GLI3: variants seen among roughly 807,000 people sequenced by gnomAD.
GLI3 encodes transcription activator GLI3.
In GLI3, 20 loss-of-function variants were observed where a neutral mutation model predicts 100.8. The ratio of observed to expected loss-of-function variants is 0.20; its 90% CI spans 0.14 to 0.29. The LOEUF (loss-of-function observed/expected upper bound fraction) is 0.29, where lower values mean the gene tolerates loss of function less well. Among genes scored for constraint, GLI3 ranks in the 10% least tolerant of loss-of-function variants. The probability of loss-of-function intolerance (pLI) is 1.00; values close to 1 mark genes in which losing one functional copy is unlikely to be tolerated. For missense variants in GLI3, 2,040 were observed against 2,128.5 expected, an observed-to-expected ratio of 0.96 and a Z score of 0.82; for synonymous variants, 938 against 860.5, an observed-to-expected ratio of 1.09 and a Z score of -1.58.
intron 7 of GLI3, among the ~76,000 whole-genome samples, chr7:42,033,728 T>C (rs959020516): frequency 6.6e-6 from 1 of 152,146 alleles, no homozygotes; most frequent in Non-Finnish European, 1.5e-5. Flanking sequence ...ATTTTTTTTT[T>C]CCAGTTTTGC....
chr7:41,968,128 T>C (rs1384853072), intron 13 of GLI3, among the ~76,000 whole-genome samples: 3 of 152,122 alleles, frequency 2.0e-5, no homozygotes, highest in African/African-American at 7.2e-5. Flanking sequence ...CAGGAGGCAA[T>C]GGAAAGCAGA....
At chr7:42,105,239 T>G (rs1202690330) in intron 3 of GLI3, among the ~76,000 whole-genome samples, 1 of 152,162 alleles carries the variant, frequency 6.6e-6, no homozygotes, top group Non-Finnish European at 1.5e-5. Flanking sequence ...ACACTGAACT[T>G]GGCTTGATGT....
chr7:42,263,673 C>G (rs1002105390), intron 1 of GLI3, among the ~76,000 whole-genome samples: 2 of 152,020 alleles, frequency 1.3e-5, no homozygotes, highest in African/African-American at 4.8e-5. Flanking sequence ...GTCTCTTACT[C>G]CTGACTTAAA....
At chr7:42,236,585 T>C (rs1272029318) in intron 1 of GLI3, among the ~76,000 whole-genome samples, 1 of 152,120 alleles carries the variant, frequency 6.6e-6, no homozygotes, top group East Asian at 2.0e-4. Flanking sequence ...GCCCGAGCCG[T>C]AGAGCGCCAC....
Position 41,965,160 on chromosome 7 carries a change from C to T in GLI3, c.3913G>A (p.Ala1305Thr), listed in dbSNP as rs753070155. Reference sequence around the variant, plus strand: ...TGCATGCCATTCACCATGCTGCCAGCTGACTCATTTGGCGCTACCGGCAGG... The same window carrying T: ...TGCATGCCATTCACCATGCTGCCAGTTGACTCATTTGGCGCTACCGGCAGG... ...FGLPVAPNES[A>T]GSMVNGMQNQ... Residue 1305 changes from alanine to threonine, a missense_variant, in exon 15 of 15, where the codon GCT (alanine) becomes ACT (threonine). Transcript: ENST00000395925. 6.2e-7 allele frequency: 1 copy of T among 1,613,956 alleles called. No individual in the cohort carries two copies.
At chr7:42,095,639 G>A (rs1402885428) in intron 3 of GLI3, among the ~76,000 whole-genome samples, 1 of 152,152 alleles carries the variant, frequency 6.6e-6, no homozygotes, top group Non-Finnish European at 1.5e-5. Context: ...CCAGGTGAGT[G>A]TTAATGATGG....
At chr7:42,038,796 T>C (rs1048430611) in intron 7 of GLI3, among the ~76,000 whole-genome samples, 4 of 152,226 alleles carry the variant, frequency 2.6e-5, no homozygotes, top group Non-Finnish European at 5.9e-5. Context: ...TGGAGAACAT[T>C]AGGGAAAGAC....
At chr7:42,008,822 G>A (rs773409044) in intron 10 of GLI3, among the ~76,000 whole-genome samples, 1 of 152,176 alleles carries the variant, frequency 6.6e-6, no homozygotes, top group Non-Finnish European at 1.5e-5. Context: ...TCTTGTAATA[G>A]TGAACTTATA....
Position 42,023,582 on chromosome 7 carries a change from G to A in GLI3, c.1383C>T (p.Val461=). Residue 461 remains valine (V), a synonymous_variant, in exon 10 of 15, where the codon GTC becomes GTT. Coordinates refer to ENST00000395925, the MANE Select transcript of GLI3 (RefSeq NM_000168.6). Reference sequence around the variant, plus strand: ...TTTCATCTTTGTCCCCTTCCTCCTTGACAAGGGTTGTTCCTTCGGGCTGTT... The same window carrying A: ...TTTCATCTTTGTCCCCTTCCTCCTTAACAAGGGTTGTTCCTTCGGGCTGTT... ...QQEQPEGTTL[V]KEEGDKDESK... is the part of the protein sequence containing the mutation. 1.2e-6 allele frequency: 2 copies of A among 1,610,518 alleles called. No homozygotes were observed. The highest frequency in any genetic ancestry group is 1.7e-6 in the Non-Finnish European group (2 of 1,177,442).
chr7:42,071,527 G>C (rs1188408987), intron 4 of GLI3, among the ~76,000 whole-genome samples: 1 of 152,110 alleles, frequency 6.6e-6, no homozygotes, highest in African/African-American at 2.4e-5. Flanking sequence ...TCAGTAAGCA[G>C]CTAGACTGAA....
chr7:42,106,218 C>T (rs1785571550), intron 3 of GLI3, among the ~76,000 whole-genome samples: 1 of 152,230 alleles, frequency 6.6e-6, no homozygotes, highest in Non-Finnish European at 1.5e-5. Flanking sequence ...ATGCTGCTCA[C>T]TGTAAATGTC....
chr7:41,997,594 C>T (rs1788162429), intron 10 of GLI3, among the ~76,000 whole-genome samples: 1 of 152,210 alleles, frequency 6.6e-6, no homozygotes, highest in South Asian at 2.1e-4. Flanking sequence ...GGTGTTCTGG[C>T]TGGACGTTGT....
chr7:42,232,596 C>T (rs1246629579), intron 1 of GLI3, among the ~76,000 whole-genome samples: 3 of 152,226 alleles, frequency 2.0e-5, no homozygotes, highest in Non-Finnish European at 2.9e-5. Flanking sequence ...AAGCACAAAA[C>T]TGGCTAGCGT....
At chr7:42,260,182 T>C (rs1352670730) in intron 1 of GLI3, among the ~76,000 whole-genome samples, 1 of 152,238 alleles carries the variant, frequency 6.6e-6, no homozygotes, top group Non-Finnish European at 1.5e-5. Context: ...TGATAATTTC[T>C]GCAGGGTGAG....
chr7:42,141,526 G>T (rs533173196), intron 3 of GLI3, among the ~76,000 whole-genome samples: 1 of 152,174 alleles, frequency 6.6e-6, no homozygotes, highest in African/African-American at 2.4e-5. Context: ...ATAAAAATTA[G>T]CCAGGCGAGG....
At chr7:42,261,859 T>TCCTTCCGTTCCTTTC (rs1789143527) in intron 1 of GLI3, among the ~76,000 whole-genome samples, 1 of 124,792 alleles carries the variant, frequency 8.0e-6, no homozygotes, top group Non-Finnish European at 1.8e-5. Flanking sequence ...TTGTTTTCTT[T>TCCTTCCGTTCCTTTC]CCTTCCCTTC....
At chr7:42,031,949 A>T (rs1417902290) in intron 7 of GLI3, among the ~76,000 whole-genome samples, 1 of 152,246 alleles carries the variant, frequency 6.6e-6, no homozygotes, top group Non-Finnish European at 1.5e-5. Context: ...TACATCAGAA[A>T]TCAGACATAT....
intron 3 of GLI3, among the ~76,000 whole-genome samples, chr7:42,107,858 G>A (rs1785612145): frequency 6.6e-6 from 1 of 152,190 alleles, no homozygotes; most frequent in Admixed American, 6.5e-5. Flanking sequence ...GTTTACTGTT[G>A]TTGTTGTTTT....
intron 10 of GLI3, among the ~76,000 whole-genome samples, chr7:41,994,977 T>A (rs1231074216): frequency 1.3e-5 from 2 of 152,228 alleles, no homozygotes; most frequent in East Asian, 3.9e-4. Flanking sequence ...GTTTATGAAT[T>A]TCAGCACTCT....
Sources: gnomAD v4.1 joint callset for allele counts (sites outside exome capture counted in the v4.1 genomes callset) on GRCh38, gnomAD v4.1.1 for gene constraint, MANE v1.5 for transcripts, NCBI Gene and HGNC (gene_info 2026-07-23, HGNC 2026-07-21) for gene names.